Variants in FRMD5 observed in about 807,000 individuals in gnomAD.
The protein encoded by FRMD5 is FERM domain-containing protein 5.
FRMD5 carries 20 observed loss-of-function variants against 69.0 expected under a neutral mutation model. The observed-to-expected ratio is 0.29, with a 90% CI of 0.20 to 0.42. The LOEUF is 0.42. Among genes scored for constraint, FRMD5 ranks in the 10% least tolerant of loss-of-function variants. The pLI is 1.00. For missense variants in FRMD5, 595 were observed against 708.6 expected (o/e 0.84, Z 1.82); for synonymous variants, 271 against 260.1 (o/e 1.04, Z -0.40).
chr15:44,023,312 A>C lies in FRMD5; in HGVS notation c.103-99003T>G, dbSNP rs545902687. 2.6e-5 allele frequency among the ~76,000 whole-genome samples: 4 copies of C among 152,336 alleles called. No individual in the cohort carries two copies. The South Asian group carries it at 8.3e-4, about 32-fold the overall frequency. ...GGAATTGCTTGCAAATGAGGCAGTG[A>C]GAGTTATAACCTGACATAGGAGTCC... On this transcript the variant is annotated intron_variant, in intron 1 of 13. Transcript: ENST00000417257.
At chr15:43,957,329 G>T (rs1293694422) in intron 1 of FRMD5, among the ~76,000 whole-genome samples, 2 of 152,088 alleles carry the variant, frequency 1.3e-5, no homozygotes, top group African/African-American at 4.8e-5. Context: ...CCAAGTAACT[G>T]GGATTACAGG....
intron 1 of FRMD5, among the ~76,000 whole-genome samples, chr15:44,040,042 T>C (rs60536495): frequency 0.028 from 4,260 of 151,692 alleles, 169 homozygotes; most frequent in African/African-American, 0.088. Flanking sequence ...CAAGCATCAA[T>C]AGCCGAATCG....
intron 1 of FRMD5, among the ~76,000 whole-genome samples, chr15:44,064,550 T>C (rs561002199): frequency 2.6e-5 from 4 of 152,144 alleles, no homozygotes; most frequent in Admixed American, 1.3e-4. Context: ...GATCTCGTCA[T>C]TGCACTCCAT....
At chr15:43,954,114 C>T (rs533567013) in intron 1 of FRMD5, among the ~76,000 whole-genome samples, 40 of 152,274 alleles carry the variant, frequency 2.6e-4, no homozygotes, top group African/African-American at 8.9e-4. Flanking sequence ...CAAGCCCTGT[C>T]GATGCCCAGA....
chr15:43,921,940 A>G (rs1040482656), intron 2 of FRMD5, among the ~76,000 whole-genome samples: 1 of 152,182 alleles, frequency 6.6e-6, no homozygotes, highest in Non-Finnish European at 1.5e-5. Flanking sequence ...CTGGGTTCAG[A>G]CTGTCTTGAG....
chr15:44,193,849 G>A (rs1021666141), intron 1 of FRMD5, among the ~76,000 whole-genome samples: 3 of 152,244 alleles, frequency 2.0e-5, no homozygotes, highest in Non-Finnish European at 4.4e-5. Context: ...CGGGGGGCAA[G>A]AAGACACTGA....
chr15:43,963,138 A>C (rs2090232304), intron 1 of FRMD5, among the ~76,000 whole-genome samples: 2 of 152,340 alleles, frequency 1.3e-5, no homozygotes, highest in South Asian at 4.1e-4. Context: ...AATGGGAGAA[A>C]AGTTTTGCAA....
At chr15:44,119,500 T>C (rs2076916738) in intron 1 of FRMD5, among the ~76,000 whole-genome samples, 1 of 152,132 alleles carries the variant, frequency 6.6e-6, no homozygotes, top group African/African-American at 2.4e-5. Context: ...GTGCTTAAAA[T>C]TCCCCAAGCT....
At chr15:44,197,665 C>T (rs1260375919), upstream of FRMD5, among the ~76,000 whole-genome samples, 3 of 118,054 alleles carry the variant, frequency 2.5e-5, no homozygotes, top group Admixed American at 1.2e-4. Flanking sequence ...TGGGAGACAG[C>T]GAGACTCCAT....
chr15:43,913,145 C>T (rs117103769), intron 4 of FRMD5, among the ~76,000 whole-genome samples: 81 of 152,306 alleles, frequency 5.3e-4, no homozygotes, highest in Non-Finnish European at 1.0e-3. Flanking sequence ...CACTGTCTTT[C>T]CAAGGCATCA....
intron 1 of FRMD5, among the ~76,000 whole-genome samples, chr15:44,125,585 C>T (rs969064772): frequency 3.9e-5 from 6 of 152,178 alleles, no homozygotes; most frequent in African/African-American, 1.4e-4. Flanking sequence ...TTTCTGAGAT[C>T]ATGAAATTCT....
chr15:43,996,715 ATTTTT>A (rs11397296), intron 1 of FRMD5, among the ~76,000 whole-genome samples: 4 of 86,028 alleles, frequency 4.6e-5, no homozygotes, highest in African/African-American at 1.5e-4. Context: ...TCCTCAGCTG[ATTTTT>A]TTTTTTTTTT....
intron 1 of FRMD5, among the ~76,000 whole-genome samples, chr15:44,141,636 A>G (rs1414423856): frequency 2.0e-5 from 3 of 152,198 alleles, no homozygotes; most frequent in African/African-American, 7.2e-5. Context: ...TGACTTTCTT[A>G]CTTGATACAA....
chr15:44,028,188 C>T (rs978095745), intron 1 of FRMD5, among the ~76,000 whole-genome samples: 1 of 152,138 alleles, frequency 6.6e-6, no homozygotes, highest in Non-Finnish European at 1.5e-5. Context: ...AAAGACTTTT[C>T]CAAAATACTT....
At chr15:44,001,128 G>A (rs1890192364) in intron 1 of FRMD5, among the ~76,000 whole-genome samples, 1 of 152,142 alleles carries the variant, frequency 6.6e-6, no homozygotes, top group African/African-American at 2.4e-5. Flanking sequence ...GCTCATTGTG[G>A]TTTTGATTTG....
At chr15:43,881,701 C>T (rs551103826) in intron 13 of FRMD5, among the ~76,000 whole-genome samples, 24 of 152,222 alleles carry the variant, frequency 1.6e-4, no homozygotes, top group Admixed American at 3.9e-4. Context: ...ATGGGGTGGG[C>T]AAGGAAGATG....
At chr15:43,907,635 G>A (rs1446906201) in intron 5 of FRMD5, among the ~76,000 whole-genome samples, 4 of 151,638 alleles carry the variant, frequency 2.6e-5, no homozygotes, top group African/African-American at 9.7e-5. Context: ...AGCTTCCCAA[G>A]TAGCTGGGAC....
At chr15:44,015,012 A>G (rs1890892928) in intron 1 of FRMD5, among the ~76,000 whole-genome samples, 1 of 152,174 alleles carries the variant, frequency 6.6e-6, no homozygotes, top group Non-Finnish European at 1.5e-5. Flanking sequence ...ATCTTCAATC[A>G]TATGTGATCC....
At chr15:44,058,251 C>T (rs1159446259) in intron 1 of FRMD5, among the ~76,000 whole-genome samples, 1 of 152,140 alleles carries the variant, frequency 6.6e-6, no homozygotes, top group Non-Finnish European at 1.5e-5. Context: ...CAAAAGACCA[C>T]ACATGGTAGG....
Sources: gnomAD v4.1 joint callset for allele counts (sites outside exome capture counted in the v4.1 genomes callset) on GRCh38, gnomAD v4.1.1 for gene constraint, MANE v1.5 for transcripts, NCBI Gene and HGNC (gene_info 2026-07-23, HGNC 2026-07-21) for gene names.